Variants in NUMA1 observed in about 807,000 individuals in gnomAD.
NUMA1 encodes the protein SP-H antigen.
In NUMA1, 62 loss-of-function variants were observed where a neutral mutation model predicts 237.1. The ratio of observed to expected loss-of-function variants is 0.26; its 90% CI spans 0.21 to 0.32. The LOEUF is 0.32. Ranked by LOEUF, NUMA1 falls within the 10% of genes least tolerant of loss-of-function variation. The probability of loss-of-function intolerance (pLI) is 1.00; values close to 1 mark genes in which losing one functional copy is unlikely to be tolerated. For synonymous variants in NUMA1, 1,028 were observed against 1,066.1 expected, an observed-to-expected ratio of 0.96 and a Z score of 0.70; for missense variants, 2,533 against 2,666.5, an observed-to-expected ratio of 0.95 and a Z score of 1.10.
chr11:72,079,131 T>C, intron 1 of NUMA1, among the ~76,000 whole-genome samples: 1 of 152,298 alleles, frequency 6.6e-6, no homozygotes, highest in East Asian at 1.9e-4. Context: ...AAGAAATTAT[T>C]CCAAAGCATA....
At chr11:72,046,272 C>T (rs1324608677) in intron 2 of NUMA1, among the ~76,000 whole-genome samples, 2 of 152,196 alleles carry the variant, frequency 1.3e-5, no homozygotes, top group African/African-American at 4.8e-5. Context: ...GGGCCGGGCA[C>T]GGTGGCTCAC....
chr11:72,025,141 C>T (rs946538664), intron 4 of NUMA1, among the ~76,000 whole-genome samples: 8 of 152,244 alleles, frequency 5.3e-5, no homozygotes, highest in Non-Finnish European at 1.2e-4. Flanking sequence ...CCACCCACCT[C>T]AGCCTCTCAA....
At chr11:72,057,443 A>T (rs1215687478) in intron 2 of NUMA1, among the ~76,000 whole-genome samples, 2 of 152,240 alleles carry the variant, frequency 1.3e-5, no homozygotes, top group Non-Finnish European at 1.5e-5. Context: ...ATAAAAGTTA[A>T]CCTTTAAAAA....
intron 16 of NUMA1, 31 bp downstream of exon 16, chr11:72,012,370 G>C (rs1289906896): frequency 6.2e-7 from 1 of 1,609,430 alleles, no homozygotes; most frequent in African/African-American, 1.3e-5. Flanking sequence ...CGTTTAAGCA[G>C]CCAGCATTTA....
chr11:72,006,063 C>G lies in NUMA1; in HGVS notation c.5664G>C (p.Gln1888His), dbSNP rs200321459. The G allele has an allele frequency of 4.2e-5, 68 of 1,613,482 alleles. No individual in the cohort carries two copies. The highest frequency in any genetic ancestry group is 1.7e-4 in the Middle Eastern group (1 of 6,060). ...PTTRSSARRSQAGVSSGAPPG... is the reference protein window; with the variant it reads ...PTTRSSARRSHAGVSSGAPPG... ...GAGGGGCCCCACTGGACACCCCGGC[C>G]TGGGAACGACGAGCAGAACTGCGAG... Residue 1888 changes from glutamine (Q) to histidine (H), a missense_variant, in exon 22 of 27, where the codon CAG becomes CAC. Physicochemically the swap from Gln to His is conservative, Grantham distance 24. This residue lies in a region of NUMA1 where 795 missense variants were observed against 750.8 expected (regional missense o/e 1.06). Transcript: ENST00000393695.
In NUMA1 at chr11:72,006,400, T is replaced by C. The variant is rs373225778; in HGVS notation, c.5464-137A>G. On this transcript the variant is annotated intron_variant, in intron 21 of 26. Transcript: ENST00000393695. ...GCTTTGCAAAGGTCCTTAAAGTGTG[T>C]GTCTGCAAGAAATGGGCCTTGTCGA... 8 of 685,500 alleles carry C rather than the reference T, an allele frequency of 1.2e-5. No individual in the cohort carries two copies. In the African/African-American group the frequency reaches 1.4e-4, roughly 12 times the overall value. 42.5% of individuals were successfully genotyped at this position (685,500 alleles called of 1,614,324 possible).
Position 72,021,219 on chromosome 11 carries a change from T to A in NUMA1, c.445A>T (p.Asn149Tyr). The A allele has an allele frequency of 6.2e-7, 1 of 1,614,014 alleles. No homozygotes were observed. Among genetic ancestry groups the A allele is most frequent in the Non-Finnish European group, 8.5e-7 (1 of 1,179,838 alleles). Reference sequence around the variant, plus strand: ...ACCTACTTACCTTTCTGTAGGAAGTTCTCTAGGTCCTCATTAAGGTTTAGC... The same window carrying A: ...ACCTACTTACCTTTCTGTAGGAAGTACTCTAGGTCCTCATTAAGGTTTAGC... ...DGLNLNEDLE[N>Y]FLQKAPVPST... is the part of the protein sequence containing the mutation. The change falls in exon 8 of 27, where the codon AAC (asparagine) becomes TAC (tyrosine). Residue 149 changes from asparagine to tyrosine, a missense_variant. Physicochemically the swap from Asn to Tyr is moderately radical, Grantham distance 143. Around this residue, in one of 3 missense-constraint regions of NUMA1, gnomAD observed 1,414 missense variants for 1,508.1 expected, o/e 0.94. Transcript: ENST00000393695.
chr11:72,038,915 C>A (rs940226566), intron 2 of NUMA1, among the ~76,000 whole-genome samples: 1 of 152,056 alleles, frequency 6.6e-6, no homozygotes, highest in African/African-American at 2.4e-5. Context: ...GAGGCCTCAC[C>A]GAGCTGGTAA....
Position 72,004,668 on chromosome 11 carries a change from T to A in NUMA1, c.5978A>T (p.Glu1993Val). 6.2e-7 allele frequency: 1 copy of A among 1,613,024 alleles called. No individual in the cohort carries two copies. Among genetic ancestry groups the A allele is most frequent in the Non-Finnish European group, 8.5e-7 (1 of 1,179,884 alleles). Residue 1993 changes from glutamate to valine, a missense_variant, in exon 24 of 27, where the codon GAG becomes GTG. Glu to Val is a moderately radical substitution (Grantham distance 121). This residue lies in a region of NUMA1 where 795 missense variants were observed against 750.8 expected (regional missense o/e 1.06). Transcript: ENST00000393695. ...TRQQRKRVSL[E>V]PHQGPGTPES... Reference sequence around the variant, plus strand: ...AGGAGTTCCAGGGCCCTGGTGGGGCTCTAGGGAGACCCGTTTGCGCTGCTG... The same window carrying A: ...AGGAGTTCCAGGGCCCTGGTGGGGCACTAGGGAGACCCGTTTGCGCTGCTG...
intron 2 of NUMA1, among the ~76,000 whole-genome samples, chr11:72,063,843 A>G (rs893400805): frequency 6.7e-6 from 1 of 150,334 alleles, no homozygotes; most frequent in Non-Finnish European, 1.5e-5. Flanking sequence ...CTTGAGTCTG[A>G]GCCTGGGAGG....
At chr11:72,038,675 C>G (rs1458151427) in intron 2 of NUMA1, among the ~76,000 whole-genome samples, 1 of 152,080 alleles carries the variant, frequency 6.6e-6, no homozygotes, top group East Asian at 1.9e-4. Flanking sequence ...AGGCCCCACC[C>G]AGTACACTGG....
chr11:72,018,006 C>G (rs1309565707), intron 12 of NUMA1, 177 bp downstream of exon 12: 19 of 979,252 alleles, frequency 1.9e-5, no homozygotes, highest in Middle Eastern at 6.5e-4. Flanking sequence ...GGGTCACAGC[C>G]CAGTACCCGG....
intron 23 of NUMA1, 121 bp downstream of exon 23, chr11:72,005,101 ACATGAGAAGGT>A (rs965912719): frequency 9.2e-7 from 1 of 1,084,350 alleles, no homozygotes; most frequent in African/African-American, 1.6e-5. Flanking sequence ...CCACCTGGAA[ACATGAGAAGGT>A]CACCCTCCCC....
intron 3 of NUMA1, among the ~76,000 whole-genome samples, chr11:72,032,294 A>T (rs1441923543): frequency 6.6e-6 from 1 of 152,180 alleles, no homozygotes; most frequent in Non-Finnish European, 1.5e-5. Context: ...TGTCTTTTGA[A>T]AAAAGCTCAA....
intron 2 of NUMA1, among the ~76,000 whole-genome samples, chr11:72,059,887 C>G (rs555012428): frequency 6.6e-6 from 1 of 152,172 alleles, no homozygotes; most frequent in Non-Finnish European, 1.5e-5. Flanking sequence ...CCCATCTACA[C>G]CCTTCTACCA....
chr11:72,017,863 G>A (rs752592464), intron 12 of NUMA1, 36 bp from the exon 13 acceptor site: 2 of 13,616 alleles, frequency 1.5e-4, no homozygotes, highest in East Asian at 8.7e-4. Context: ...ATCACCCAGA[G>A]TCAACGCTGA....
At chr11:72,034,050 G>A (rs545233920) in intron 3 of NUMA1, among the ~76,000 whole-genome samples, 113 of 152,154 alleles carry the variant, frequency 7.4e-4, no homozygotes, top group African/African-American at 2.6e-3. Flanking sequence ...CAAAGTTTGA[G>A]GTTACAATGA....
chr11:72,066,616 C>T (rs1198494867), intron 2 of NUMA1: 1 of 152,246 alleles, frequency 6.6e-6, no homozygotes. Context: ...TCCTATTCTT[C>T]CTTTACAACC....
chr11:72,018,136 A>G, intron 12 of NUMA1, 47 bp downstream of exon 12: 3 of 1,368,650 alleles, frequency 2.2e-6, no homozygotes, highest in Non-Finnish European at 3.1e-6. Context: ...CTTCCAGACC[A>G]CCTCAGCCCT....
Sources: gnomAD v4.1 joint callset for allele counts (sites outside exome capture counted in the v4.1 genomes callset) on GRCh38, gnomAD v4.1.1 for gene constraint, gnomAD v4.1.1 regional missense constraint, MANE v1.5 for transcripts, NCBI Gene and HGNC (gene_info 2026-07-23, HGNC 2026-07-21) for gene names.